The following RAB3GAP2 variants were observed in gnomAD, a reference collection of about 807,000 sequenced individuals.
RAB3GAP2 encodes RAB3 GTPase activating non-catalytic protein subunit 2, also known as rab3 GTPase-activating protein non-catalytic subunit.
Under a neutral mutation model 185.3 loss-of-function variants are expected in RAB3GAP2, and 87 were observed. The ratio of observed to expected loss-of-function variants is 0.47; its 90% CI spans 0.39 to 0.56. RAB3GAP2 has a LOEUF of 0.56. RAB3GAP2 is among the 20% of genes least tolerant of loss of function. The pLI, the probability that RAB3GAP2 is intolerant of heterozygous loss-of-function variation, is 0.00. For synonymous variants in RAB3GAP2, 554 were observed against 576.1 expected, an observed-to-expected ratio of 0.96 and a Z score of 0.55; for missense variants, 1,492 against 1,638.2, an observed-to-expected ratio of 0.91 and a Z score of 1.54.
intron 1 of RAB3GAP2, chr1:220,267,200 A>G (rs1278809207): frequency 3.2e-6 from 3 of 942,232 alleles, no homozygotes; most frequent in East Asian, 4.8e-5. Context: ...GCACTTGCCA[A>G]TTCTGTGATA....
At chr1:220,201,220 T>A (rs1302382168) in intron 9 of RAB3GAP2, among the ~76,000 whole-genome samples, 1 of 152,102 alleles carries the variant, frequency 6.6e-6, no homozygotes, top group Non-Finnish European at 1.5e-5. Context: ...AAGGTTACTT[T>A]TTTTTTTAAG....
chr1:220,190,143 A>C lies in RAB3GAP2; in HGVS notation c.1635T>G (p.Asp545Glu), dbSNP rs1234114221. ...VNVPFHLALS[D>E]KKSERAKDMH... ...TATCCTTGGCTCGTTCACTCTTCTTATCACTAAACCAATAAATATAACAAA... is the reference window on the plus strand; with the variant it reads ...TATCCTTGGCTCGTTCACTCTTCTTCTCACTAAACCAATAAATATAACAAA... Residue 545 changes from aspartate (D) to glutamate (E), a missense_variant, in exon 16 of 35, where the codon GAT (aspartate) becomes GAG (glutamate). Around this residue, in one of 5 missense-constraint regions of RAB3GAP2, gnomAD observed 681 missense variants for 689.1 expected, o/e 0.99. Transcript: ENST00000358951. 6.2e-7 allele frequency: 1 copy of C among 1,610,388 alleles called. No homozygotes were observed. Among genetic ancestry groups the C allele is most frequent in the African/African-American group, 1.3e-5 (1 of 74,842 alleles).
In RAB3GAP2 at chr1:220,245,409, A is replaced by G. The variant is rs181950354; in HGVS notation, c.116-12546T>C. ...TGCGAGTCAAAGAAAGTGGTGACGG[A>G]AGCACCTGGAAAATCGGGTCACTCC... is the stretch of plus-strand genomic sequence containing the variant. On this transcript the variant is annotated intron_variant, in intron 1 of 34. Coordinates refer to ENST00000358951, the MANE Select transcript of RAB3GAP2 (RefSeq NM_012414.4). 1.8e-3 allele frequency among the ~76,000 whole-genome samples: 280 copies of G among 152,314 alleles called. 1 individual carries two copies. The highest frequency in any genetic ancestry group is 5.9e-3 in the African/African-American group (244 of 41,572).
chr1:220,151,326 T>C lies in RAB3GAP2; in HGVS notation c.4107A>G (p.Pro1369=), dbSNP rs755744733. ...KLVNKVIELL[P]EKHGQYGLAL... The stretch of plus-strand genomic sequence containing the variant: ...CTAGACCATATTGCCCATGTTTTTC[T>C]GGTAAAAGCTCAATTACTTTATTTA... The change falls in exon 35 of 35, where the codon CCA becomes CCG. Residue 1369 remains proline, a synonymous_variant. Transcript: ENST00000358951. The C allele has an allele frequency of 1.2e-6, 2 of 1,614,042 alleles. No individual in the cohort carries two copies. Among genetic ancestry groups the C allele is most frequent in the African/African-American group, 2.7e-5 (2 of 74,920 alleles).
chr1:220,183,999 G>T lies in RAB3GAP2; in HGVS notation c.1998+37C>A, dbSNP rs1658461518. 2.9e-6 allele frequency: 4 copies of T among 1,388,820 alleles called. No individual in the cohort carries two copies. The Admixed American group carries it at 9.3e-5, about 32-fold the overall frequency. The allele number at this position is 1,388,820 out of a possible 1,614,324, so 86.0% of individuals were successfully genotyped here. On this transcript the variant is annotated intron_variant, in intron 19 of 34. Coordinates refer to ENST00000358951, the MANE Select transcript of RAB3GAP2 (RefSeq NM_012414.4). ...TTTAAAAAGTAAAACTAATCAAAGA[G>T]ATTATTTTATATAATATAAAATGTG...
chr1:220,164,807 A>ACAGG lies in RAB3GAP2; in HGVS notation c.3088-12_3088-9dup, dbSNP rs1364487369. ...AACAAAAAAACGTGCTTCCTTACAT[A>ACAGG]CAGGGAGAAAAAAACGAGAAAGAAA... On this transcript the variant is annotated splice_polypyrimidine_tract_variant and intron_variant, in intron 26 of 34. Transcript: ENST00000358951. 1 of 1,604,908 alleles carries ACAGG rather than the reference A, an allele frequency of 6.2e-7. No individual in the cohort carries two copies. Among genetic ancestry groups the ACAGG allele is most frequent in the Non-Finnish European group, 8.5e-7 (1 of 1,174,182 alleles).
At chr1:220,208,377 T>G (rs1404477657) in intron 7 of RAB3GAP2, 2 of 152,226 alleles carry the variant, frequency 1.3e-5, no homozygotes, top group Admixed American at 6.5e-5. Flanking sequence ...TACTAAGACT[T>G]AAGTCTTCAG....
At chr1:220,211,148 A>C (rs1392248174) in intron 4 of RAB3GAP2, 146 bp from the exon 5 acceptor site, 1 of 758,206 alleles carries the variant, frequency 1.3e-6, no homozygotes, top group African/African-American at 1.7e-5. Flanking sequence ...ATACAGTAAA[A>C]CTCCACCACT....
At position 220,171,904 on chromosome 1, in the gene RAB3GAP2, G is replaced by A. The variant is rs1187833566; in HGVS notation, c.2562C>T (p.Asn854=). The A allele has an allele frequency of 1.9e-6, 3 of 1,614,064 alleles. No individual in the cohort carries two copies. The Admixed American group carries it at 5.0e-5, about 27-fold the overall frequency. The change falls in exon 23 of 35, where the codon AAC becomes AAT. Residue 854 remains asparagine (N), a synonymous_variant. Coordinates refer to ENST00000358951, the MANE Select transcript of RAB3GAP2 (RefSeq NM_012414.4). ...ACCCACTTACTTTTTTCTCTGTCAT[G>A]TTGTTTGATATCTGTGCAGCAACAG... is the stretch of plus-strand genomic sequence containing the variant. ...GHSVAAQISN[N]MTEKKFSQTV...
intron 17 of RAB3GAP2, among the ~76,000 whole-genome samples, chr1:220,188,258 C>T (rs1369458480): frequency 6.6e-6 from 1 of 151,956 alleles, no homozygotes; most frequent in African/African-American, 2.4e-5. Flanking sequence ...GGTAAGGTTC[C>T]TACTTGAAGG....
At chr1:220,261,038 G>A (rs1429845634) in intron 1 of RAB3GAP2, among the ~76,000 whole-genome samples, 2 of 152,138 alleles carry the variant, frequency 1.3e-5, no homozygotes, top group Non-Finnish European at 2.9e-5. Flanking sequence ...GAGTAGCCAG[G>A]TGGTGGTTTT....
intron 1 of RAB3GAP2, among the ~76,000 whole-genome samples, chr1:220,242,100 T>C (rs1659706794): frequency 6.6e-6 from 1 of 152,152 alleles, no homozygotes; most frequent in Non-Finnish European, 1.5e-5. Context: ...ACCAGCCTAA[T>C]TTTGCTATTA....
chr1:220,202,395 C>A, intron 8 of RAB3GAP2, 21 bp from the exon 9 acceptor site: 1 of 1,600,956 alleles, frequency 6.2e-7, no homozygotes, highest in Non-Finnish European at 8.6e-7. Context: ...TAAAATAAGA[C>A]AATCCAAACT....
intron 1 of RAB3GAP2, among the ~76,000 whole-genome samples, chr1:220,264,238 T>G (rs1317363122): frequency 6.6e-6 from 1 of 152,092 alleles, no homozygotes. Flanking sequence ...AGTATTAACA[T>G]TTTTCTTCTT....
chr1:220,205,534 C>G (rs1444693472), intron 8 of RAB3GAP2, among the ~76,000 whole-genome samples: 1 of 152,116 alleles, frequency 6.6e-6, no homozygotes, highest in African/African-American at 2.4e-5. Context: ...TAGTGAAAAT[C>G]TGGTACCTCA....
At chr1:220,174,199 A>G (rs1178691753) in intron 21 of RAB3GAP2, among the ~76,000 whole-genome samples, 1 of 152,102 alleles carries the variant, frequency 6.6e-6, no homozygotes, top group Non-Finnish European at 1.5e-5. Context: ...GAGGATATAT[A>G]CATGTACATA....
At chr1:220,231,315 G>A (rs953425926) in intron 2 of RAB3GAP2, among the ~76,000 whole-genome samples, 29 of 152,242 alleles carry the variant, frequency 1.9e-4, no homozygotes, top group Middle Eastern at 3.4e-3. Context: ...TTCTCATGTT[G>A]TTGACTCCCT....
In RAB3GAP2 at chr1:220,272,381, G is replaced by A; in HGVS notation, c.-44C>T. On this transcript the variant is annotated 5_prime_UTR_variant, in exon 1 of 35. Coordinates refer to ENST00000358951, the MANE Select transcript of RAB3GAP2 (RefSeq NM_012414.4). ...TACGGCACTCACCTTACCTCACCAC[G>A]CCCTGCCCCCTCCACCCCACTGCGG... 1.4e-6 allele frequency: 2 copies of A among 1,413,012 alleles called. No homozygotes were observed. Among genetic ancestry groups the A allele is most frequent in the Non-Finnish European group, 2.0e-6 (2 of 1,012,920 alleles). The allele number at this position is 1,413,012 out of a possible 1,614,324, so 87.5% of individuals were successfully genotyped here.
rs1233916407 is a variant in RAB3GAP2, at chr1:220,149,130, C to CCTTT, written c.*2117_*2120dup. 6.6e-6 allele frequency: 1 copy of CCTTT among 152,104 alleles called. No individual in the cohort carries two copies. Among genetic ancestry groups the CCTTT allele is most frequent in the African/African-American group, 2.4e-5 (1 of 41,434 alleles). The allele number at this position is 152,104 out of a possible 1,614,324, so 9.4% of individuals were successfully genotyped here. ...GAATGTCTACATAGGTATTTATTTG[C>CCTTT]CTTTCTTCCTATCAATCAGATTTAT... On this transcript the variant is annotated 3_prime_UTR_variant, in exon 35 of 35. Transcript: ENST00000358951.
Sources: allele counts gnomAD v4.1 joint callset (sites outside exome capture counted in the v4.1 genomes callset), GRCh38; gene constraint gnomAD v4.1.1; regional missense constraint gnomAD v4.1.1; transcripts MANE v1.5; gene names NCBI Gene and HGNC (gene_info 2026-07-23, HGNC 2026-07-21).